The following COPG2 variants were observed in gnomAD, a reference collection of about 807,000 sequenced individuals.
COPG2 encodes coat protein complex I subunit gamma 2.
In COPG2, 37 loss-of-function variants were observed where a neutral mutation model predicts 46.3. The observed-to-expected ratio is 0.80, with a 90% CI of 0.61 to 1.05. The LOEUF (loss-of-function observed/expected upper bound fraction) is 1.05, where lower values mean the gene tolerates loss of function less well. COPG2 is among the 50% of genes least tolerant of loss of function. The probability of loss-of-function intolerance (pLI) is 0.00; values close to 1 mark genes in which losing one functional copy is unlikely to be tolerated. For missense variants in COPG2, 427 were observed against 387.8 expected, an observed-to-expected ratio of 1.10 and a Z score of -0.85; for synonymous variants, 159 against 129.7, an observed-to-expected ratio of 1.23 and a Z score of -1.53.
At chr7:130,628,659 T>C (rs1795165041) in intron 5 of COPG2, among the ~76,000 whole-genome samples, 1 of 152,232 alleles carries the variant, frequency 6.6e-6, no homozygotes, top group Non-Finnish European at 1.5e-5. Flanking sequence ...AAGTTTCTGC[T>C]TGGTATCATA....
chr7:130,556,001 C>T (rs994458427), intron 12 of COPG2, among the ~76,000 whole-genome samples: 53 of 152,286 alleles, frequency 3.5e-4, no homozygotes, highest in Non-Finnish European at 4.7e-4. Context: ...TAACTACTCA[C>T]AGCAGTAGCA....
chr7:130,633,605 G>A (rs1795271801), intron 5 of COPG2, among the ~76,000 whole-genome samples: 1 of 152,104 alleles, frequency 6.6e-6, no homozygotes, highest in Non-Finnish European at 1.5e-5. Flanking sequence ...GTTCTTGGTA[G>A]ATTCTAGATA....
chr7:130,531,642 A>ATGC (rs1799826512), intron 20 of COPG2, among the ~76,000 whole-genome samples: 1 of 152,022 alleles, frequency 6.6e-6, no homozygotes. Flanking sequence ...AAGGAAGGGA[A>ATGC]TGCGGTAGTT....
chr7:130,547,682 G>C lies in COPG2; in HGVS notation c.2141C>G (p.Pro714Arg). ...CTTCTGAGGGTTAGTACCTGCTGTA[G>C]GGTCATCATCAGGCAAACGAACAAG... The part of the protein sequence containing the change: ...YTLVRLPDDD[P>R]TAVAGSFSCT... Residue 714 changes from proline (P) to arginine (R), a missense_variant, in exon 20 of 24, where the codon CCT (proline) becomes CGT (arginine). Transcript: ENST00000425248. 1 of 398,540 alleles carries C rather than the reference G, an allele frequency of 2.5e-6. No individual in the cohort carries two copies. The highest frequency in any genetic ancestry group is 4.4e-6 in the Non-Finnish European group (1 of 226,066). 24.7% of individuals were successfully genotyped at this position (398,540 alleles called of 1,614,324 possible).
chr7:130,513,308 A>AAAAATATATAT (rs1236511164), intron 20 of COPG2, among the ~76,000 whole-genome samples: 1 of 55,686 alleles, frequency 1.8e-5, no homozygotes, highest in African/African-American at 9.5e-5. Flanking sequence ...AAAAAAAAAA[A>AAAAATATATAT]ATATATATAT....
chr7:130,646,927 G>GTA (rs1795606205), intron 5 of COPG2, among the ~76,000 whole-genome samples: 1 of 143,320 alleles, frequency 7.0e-6, no homozygotes, highest in Non-Finnish European at 1.5e-5. Flanking sequence ...GTGTTTGTGT[G>GTA]TGTATATATA....
intron 11 of COPG2, among the ~76,000 whole-genome samples, chr7:130,562,320 C>T (rs1303832748): frequency 1.3e-5 from 2 of 152,182 alleles, no homozygotes; most frequent in African/African-American, 4.8e-5. Flanking sequence ...GATCGTGCCA[C>T]TGCACTCTAG....
At chr7:130,525,632 T>A (rs1011921334) in intron 20 of COPG2, among the ~76,000 whole-genome samples, 1 of 152,054 alleles carries the variant, frequency 6.6e-6, no homozygotes, top group Admixed American at 6.6e-5. Context: ...GCTAAAAGGA[T>A]AGAGATATAG....
chr7:130,613,504 G>T, intron 7 of COPG2, 40 bp downstream of exon 7: 2 of 1,269,562 alleles, frequency 1.6e-6, no homozygotes, highest in East Asian at 2.4e-5. Flanking sequence ...ACTCAAAACT[G>T]TACCATGCTT....
At chr7:130,657,627 A>G (rs1554460061) in intron 4 of COPG2, among the ~76,000 whole-genome samples, 2 of 152,222 alleles carry the variant, frequency 1.3e-5, no homozygotes, top group Non-Finnish European at 2.9e-5. Flanking sequence ...ATAATTGTGA[A>G]ACATATCTGA....
chr7:130,564,426 A>G (rs1793769666), intron 9 of COPG2, 33 bp from the exon 10 acceptor site: 1 of 398,562 alleles, frequency 2.5e-6, no homozygotes, highest in Non-Finnish European at 4.4e-6. Context: ...CATTATTTAG[A>G]TATCAAATAG....
intron 20 of COPG2, among the ~76,000 whole-genome samples, chr7:130,531,211 A>C (rs2116359086): frequency 6.7e-6 from 1 of 148,910 alleles, no homozygotes. Flanking sequence ...GGAGTGGGGT[A>C]TGTTGAGCCA....
chr7:130,528,746 C>T (rs936547557), intron 20 of COPG2, among the ~76,000 whole-genome samples: 13 of 151,624 alleles, frequency 8.6e-5, no homozygotes, highest in Admixed American at 2.6e-4. Flanking sequence ...AAGAATGAGT[C>T]GGAGCAGGCA....
At chr7:130,621,040 T>C (rs781892261) in intron 5 of COPG2, among the ~76,000 whole-genome samples, 10 of 152,156 alleles carry the variant, frequency 6.6e-5, no homozygotes, top group Non-Finnish European at 2.9e-5. Flanking sequence ...CTAAATGTAA[T>C]CACAAGTGTC....
intron 9 of COPG2, chr7:130,609,933 A>G (rs1295605323): frequency 3.0e-6 from 1 of 336,742 alleles, no homozygotes; most frequent in African/African-American, 2.2e-5. Context: ...TGTAATTTAC[A>G]AAAGTTACAA....
chr7:130,603,269 A>G (rs1554450630), intron 9 of COPG2, among the ~76,000 whole-genome samples: 1 of 152,232 alleles, frequency 6.6e-6, no homozygotes, highest in African/African-American at 2.4e-5. Context: ...GAACTATATA[A>G]AATGTATTCA....
chr7:130,615,143 T>C (rs1424131765), intron 6 of COPG2, among the ~76,000 whole-genome samples: 1 of 152,218 alleles, frequency 6.6e-6, no homozygotes, highest in Non-Finnish European at 1.5e-5. Context: ...GTTCTAGAAG[T>C]GGATTTTGTC....
At chr7:130,528,316 TGAAA>T (rs1212642229) in intron 20 of COPG2, among the ~76,000 whole-genome samples, 4 of 151,452 alleles carry the variant, frequency 2.6e-5, no homozygotes, top group African/African-American at 9.7e-5. Flanking sequence ...CACAAGAATG[TGAAA>T]GAAAGGATGC....
chr7:130,574,654 C>A (rs36168950), intron 9 of COPG2, among the ~76,000 whole-genome samples: 136,486 of 151,586 alleles, frequency 0.9, 61,573 homozygotes, highest in Middle Eastern at 0.94. Context: ...CCTCCCCCCC[C>A]AAAAAAATTA....
Sources: gnomAD v4.1 joint callset for allele counts (sites outside exome capture counted in the v4.1 genomes callset) on GRCh38, gnomAD v4.1.1 for gene constraint, MANE v1.5 for transcripts, NCBI Gene and HGNC (gene_info 2026-07-23, HGNC 2026-07-21) for gene names.